Variants in TBX20 observed in about 807,000 individuals in gnomAD.
TBX20 encodes T-box transcription factor 20.
Under a neutral mutation model 42.9 loss-of-function variants are expected in TBX20, and 8 were observed. That is an observed-to-expected ratio of 0.19 (90% CI 0.11 to 0.34). The LOEUF is 0.34. TBX20 is among the 10% of genes least tolerant of loss of function. The pLI is 1.00. For missense variants in TBX20, 411 were observed against 566.0 expected (o/e 0.73, Z 2.78); for synonymous variants, 198 against 222.8 (o/e 0.89, Z 0.99).
intron 6 of TBX20, among the ~76,000 whole-genome samples, chr7:35,226,565 T>G (rs1455131973): frequency 6.6e-6 from 1 of 152,174 alleles, no homozygotes; most frequent in Non-Finnish European, 1.5e-5. Flanking sequence ...TGAAGGAAAC[T>G]TGGCAGTATG....
At chr7:35,204,731 C>A in intron 6 of TBX20, 149 bp from the exon 7 acceptor site, 1 of 687,382 alleles carries the variant, frequency 1.5e-6, no homozygotes, top group South Asian at 1.6e-5. Flanking sequence ...AAAACATGTA[C>A]ATTTATTCTG....
chr7:35,247,164 G>GAAAA, intron 3 of TBX20, among the ~76,000 whole-genome samples: 1 of 52,182 alleles, frequency 1.9e-5, no homozygotes, highest in South Asian at 6.1e-4. Flanking sequence ...AGACTGGAGG[G>GAAAA]CAAAAAAAAA....
intron 6 of TBX20, among the ~76,000 whole-genome samples, chr7:35,206,687 T>C (rs1584338970): frequency 1.3e-5 from 2 of 152,344 alleles, no homozygotes; most frequent in South Asian, 2.1e-4. Context: ...CTATGCTCCA[T>C]GGTCCCCATC....
At chr7:35,240,688 G>C (rs893451442) in intron 5 of TBX20, among the ~76,000 whole-genome samples, 191 bp downstream of exon 5, 9 of 152,082 alleles carry the variant, frequency 5.9e-5, no homozygotes, top group Non-Finnish European at 1.3e-4. Flanking sequence ...ATAATGTAGA[G>C]ATTCTAGAAA....
At chr7:35,227,807 G>T (rs964190589) in intron 6 of TBX20, among the ~76,000 whole-genome samples, 3 of 152,126 alleles carry the variant, frequency 2.0e-5, no homozygotes, top group Admixed American at 6.5e-5. Flanking sequence ...GTCTCGAAGG[G>T]AGAGTAAATT....
chr7:35,223,728 G>A (rs1789722844), intron 6 of TBX20, among the ~76,000 whole-genome samples: 1 of 152,130 alleles, frequency 6.6e-6, no homozygotes, highest in Non-Finnish European at 1.5e-5. Flanking sequence ...AGAGGGTAGT[G>A]GGGATGAATG....
intron 5 of TBX20, among the ~76,000 whole-genome samples, chr7:35,233,222 C>T (rs1370435536): frequency 6.6e-6 from 1 of 152,196 alleles, no homozygotes; most frequent in Non-Finnish European, 1.5e-5. Context: ...TTATGCCTCA[C>T]TTAAAATGAA....
Position 35,208,742 on chromosome 7 carries a change from C to CAA in TBX20, c.891-4162_891-4161dup, listed in dbSNP as rs766060288. Among the ~76,000 whole-genome samples the CAA allele has an allele frequency of 1.5e-3, 32 of 21,130 alleles. 11 individuals carry two copies. Among genetic ancestry groups the CAA allele is most frequent in the Non-Finnish European group, 1.9e-3 (26 of 13,408 alleles). 13.9% of individuals were successfully genotyped at this position (21,130 alleles called of 152,430 possible). A position where few individuals can be genotyped will look rare whatever the true frequency, so the allele number is the denominator to read the frequency against. ...GGGCAACAAGAGCGAAACTCCGTCTCAAAAAAAAAAAAAAAAAAAAAAAAA... is the reference window on the plus strand; with the variant it reads ...GGGCAACAAGAGCGAAACTCCGTCTCAAAAAAAAAAAAAAAAAAAAAAAAAAA... On this transcript the variant is annotated intron_variant, in intron 6 of 7. Coordinates refer to ENST00000408931, the MANE Select transcript of TBX20 (RefSeq NM_001077653.2).
At position 35,231,559 on chromosome 7, in the gene TBX20, T is replaced by G. The variant is rs1448413050; in HGVS notation, c.835A>C (p.Ser279Arg). The G allele has an allele frequency of 6.2e-7, 1 of 1,612,984 alleles. No individual in the cohort carries two copies. The highest frequency in any genetic ancestry group is 8.5e-7 in the Non-Finnish European group (1 of 1,179,112). The change falls in exon 6 of 8, where the codon AGC becomes CGC. Residue 279 changes from serine (S) to arginine (R), a missense_variant. This residue lies in a region of TBX20 where 2 missense variants were observed against 25.3 expected (regional missense o/e 0.08). Transcript: ENST00000408931. ...NQLITKLKIDSNPFAKGFRDS... is the reference protein window; with the variant it reads ...NQLITKLKIDRNPFAKGFRDS... ...CGGAATCCTTTGGCAAAAGGATTGC[T>G]ATCTATTTTCAGCTTCGTTATCTGG...
At chr7:35,221,964 A>G (rs1247792566) in intron 6 of TBX20, among the ~76,000 whole-genome samples, 2 of 152,208 alleles carry the variant, frequency 1.3e-5, no homozygotes, top group African/African-American at 4.8e-5. Flanking sequence ...CTGAGGGAGG[A>G]GTAGTATCCT....
chr7:35,210,336 C>T (rs1198956101), intron 6 of TBX20, among the ~76,000 whole-genome samples: 17 of 151,858 alleles, frequency 1.1e-4, no homozygotes, highest in South Asian at 2.1e-4. Context: ...AGGATGGTCT[C>T]GATCTCCTGA....
chr7:35,235,700 A>T (rs1288025370), intron 5 of TBX20, among the ~76,000 whole-genome samples: 3 of 152,190 alleles, frequency 2.0e-5, no homozygotes, highest in African/African-American at 7.2e-5. Context: ...ATAGAACATA[A>T]TGCAATTCCT....
intron 5 of TBX20, among the ~76,000 whole-genome samples, chr7:35,232,641 T>C (rs977328531): frequency 6.6e-6 from 1 of 152,200 alleles, no homozygotes; most frequent in Non-Finnish European, 1.5e-5. Context: ...GAGAAATGCA[T>C]GCTAAAGATT....
intron 5 of TBX20, among the ~76,000 whole-genome samples, chr7:35,238,912 C>A (rs1233698457): frequency 6.6e-6 from 1 of 151,686 alleles, no homozygotes; most frequent in Admixed American, 6.6e-5. Flanking sequence ...CAAATGGTGA[C>A]AAATTCTTTT....
chr7:35,212,050 A>G (rs1789505627), intron 6 of TBX20, among the ~76,000 whole-genome samples: 1 of 152,048 alleles, frequency 6.6e-6, no homozygotes, highest in Admixed American at 6.5e-5. Context: ...AGGGCCTCCA[A>G]TTACACAGAT....
chr7:35,250,077 A>C lies in TBX20; in HGVS notation c.254T>G (p.Leu85Arg). ...GGGGATGATGGGGGTGGTGGGGATC[A>C]GTGGCTCAGTGCACAGAGAGGAGGA... ...PSSSSLCTEP[L>R]IPTTPIIPSE... is the part of the protein sequence containing the mutation. Residue 85 changes from leucine to arginine, a missense_variant, in exon 2 of 8, where the codon CTG (leucine) becomes CGG (arginine). By Grantham distance (102) the Leu-to-Arg change is moderately radical (BLOSUM62 -2). This residue lies in a region of TBX20 where 114 missense variants were observed against 128.0 expected (regional missense o/e 0.89). Coordinates refer to ENST00000408931, the MANE Select transcript of TBX20 (RefSeq NM_001077653.2). The C allele has an allele frequency of 2.5e-6, 4 of 1,613,954 alleles. No homozygotes were observed. Among genetic ancestry groups the C allele is most frequent in the Non-Finnish European group, 3.4e-6 (4 of 1,179,950 alleles).
chr7:35,216,987 C>A (rs1206333252), intron 6 of TBX20, among the ~76,000 whole-genome samples: 2 of 151,946 alleles, frequency 1.3e-5, no homozygotes, highest in Non-Finnish European at 1.5e-5. Flanking sequence ...GACAATGTAT[C>A]AATATTCGTA....
intron 5 of TBX20, among the ~76,000 whole-genome samples, chr7:35,234,396 A>G (rs1789923011): frequency 6.6e-6 from 1 of 152,214 alleles, no homozygotes; most frequent in African/African-American, 2.4e-5. Flanking sequence ...CAGAAAATAC[A>G]TACTCTCAAA....
In TBX20 at chr7:35,249,118, C is replaced by T. The variant is rs1790254892; in HGVS notation, c.381-277G>A. ...GGGTGGGGGTGGGGGTATGTGTTAA[C>T]TCCAGAAGGTCTGTGATTAGGGAAA... On this transcript the variant is annotated intron_variant, in intron 2 of 7. Coordinates refer to ENST00000408931, the MANE Select transcript of TBX20 (RefSeq NM_001077653.2). This position sits in a 1 kb window ranked among gnomAD's most constrained non-coding sequence, Gnocchi z 4.3. Among the ~76,000 whole-genome samples, 1 of 152,080 alleles carries T rather than the reference C, an allele frequency of 6.6e-6. No homozygotes were observed. The highest frequency in any genetic ancestry group is 2.4e-5 in the African/African-American group (1 of 41,392).
Sources: allele counts gnomAD v4.1 joint callset (sites outside exome capture counted in the v4.1 genomes callset), GRCh38; gene constraint gnomAD v4.1.1; regional missense constraint gnomAD v4.1.1; non-coding constraint Gnocchi (gnomAD v3.1); transcripts MANE v1.5; gene names NCBI Gene and HGNC (gene_info 2026-07-23, HGNC 2026-07-21).